Variants in LINGO1 observed in about 807,000 individuals in gnomAD.
LINGO1 encodes the protein leucine-rich repeat and immunoglobulin-like domain-containing nogo receptor-interacting protein 1.
Under a neutral mutation model 37.3 loss-of-function variants are expected in LINGO1, and 11 were observed. The ratio of observed to expected loss-of-function variants is 0.29; its 90% CI spans 0.19 to 0.49. The LOEUF (loss-of-function observed/expected upper bound fraction) is 0.49, where lower values mean the gene tolerates loss of function less well. Among genes scored for constraint, LINGO1 ranks in the 20% least tolerant of loss-of-function variants. The pLI is 0.99. For missense variants in LINGO1, 585 were observed against 878.2 expected (o/e 0.67, Z 4.22); for synonymous variants, 387 against 403.0 (o/e 0.96, Z 0.48).
At chr15:77,726,746 G>A (rs953275568) in intron 2 of LINGO1, among the ~76,000 whole-genome samples, 2 of 152,242 alleles carry the variant, frequency 1.3e-5, no homozygotes, top group Non-Finnish European at 2.9e-5. Context: ...TAGACAAATG[G>A]GACTACATCA....
chr15:77,620,206 C>T (rs925552716), intron 1 of LINGO1, among the ~76,000 whole-genome samples: 2 of 150,954 alleles, frequency 1.3e-5, no homozygotes, highest in Non-Finnish European at 2.9e-5. Flanking sequence ...TCCTTGCCCC[C>T]TGAAGGGCTT....
At chr15:77,711,991 C>G (rs2075923815) in intron 2 of LINGO1, among the ~76,000 whole-genome samples, 1 of 152,174 alleles carries the variant, frequency 6.6e-6, no homozygotes, top group African/African-American at 2.4e-5. Context: ...CAGATTCCTC[C>G]CATCTACAGT....
chr15:77,733,442 T>A (rs992949096), intron 2 of LINGO1, among the ~76,000 whole-genome samples: 4 of 152,106 alleles, frequency 2.6e-5, no homozygotes, highest in African/African-American at 9.7e-5. Flanking sequence ...CCCCATGCCA[T>A]GACCCTTGAG....
chr15:77,653,506 G>A (rs1387366257), intron 3 of LINGO1, among the ~76,000 whole-genome samples: 3 of 152,238 alleles, frequency 2.0e-5, no homozygotes, highest in East Asian at 3.8e-4. Context: ...TTCGATTGCA[G>A]GAGATGTAAT....
intron 1 of LINGO1, among the ~76,000 whole-genome samples, chr15:77,806,945 G>A (rs1461038992): frequency 1.3e-5 from 2 of 152,030 alleles, no homozygotes; most frequent in South Asian, 2.1e-4. Flanking sequence ...AGGGCTCCCC[G>A]TTACCTTGAG....
At chr15:77,775,413 C>G (rs2076626934) in intron 1 of LINGO1, among the ~76,000 whole-genome samples, 1 of 152,164 alleles carries the variant, frequency 6.6e-6, no homozygotes, top group African/African-American at 2.4e-5. Flanking sequence ...TTTGCAGGTC[C>G]CGGTCTCTCC....
chr15:77,692,120 T>A (rs762388307), intron 1 of LINGO1, among the ~76,000 whole-genome samples: 1 of 152,226 alleles, frequency 6.6e-6, no homozygotes, highest in Non-Finnish European at 1.5e-5. Context: ...GCCCTTTCCT[T>A]CTTACTTACT....
chr15:77,711,181 T>C (rs894601678), intron 2 of LINGO1, among the ~76,000 whole-genome samples: 3 of 152,232 alleles, frequency 2.0e-5, no homozygotes, highest in Non-Finnish European at 4.4e-5. Flanking sequence ...CCCTGGATCT[T>C]TCTCTTCTTC....
upstream of LINGO1, among the ~76,000 whole-genome samples, chr15:77,789,498 G>A (rs538066784): frequency 3.9e-5 from 6 of 152,228 alleles, no homozygotes; most frequent in Non-Finnish European, 7.4e-5. Flanking sequence ...TCCCAGCTAT[G>A]CAGGAGGCTG....
chr15:77,657,135 A>C (rs553414940), intron 3 of LINGO1, among the ~76,000 whole-genome samples: 2 of 152,298 alleles, frequency 1.3e-5, no homozygotes, highest in African/African-American at 4.8e-5. Context: ...TGGGGACTGG[A>C]GGGATGGCAG....
chr15:77,751,800 G>A (rs1358585557), intron 1 of LINGO1, among the ~76,000 whole-genome samples: 3 of 152,190 alleles, frequency 2.0e-5, no homozygotes, highest in Non-Finnish European at 4.4e-5. Flanking sequence ...GGGCTCAGAC[G>A]GGTGGAGAGC....
intron 2 of LINGO1, among the ~76,000 whole-genome samples, chr15:77,715,627 A>T (rs2075974535): frequency 6.6e-6 from 1 of 152,242 alleles, no homozygotes; most frequent in African/African-American, 2.4e-5. Context: ...ACAAAGAAAT[A>T]ATGGGAACAA....
intron 1 of LINGO1, among the ~76,000 whole-genome samples, chr15:77,626,995 CAGA>C (rs10611074): frequency 0.2 from 25,649 of 129,974 alleles, 4,720 homozygotes; most frequent in African/African-American, 0.5. Flanking sequence ...CTGGGCTAGG[CAGA>C]AGAAGCGTGC....
At chr15:77,718,354 GAGCATGC>G (rs1208990537) in intron 2 of LINGO1, among the ~76,000 whole-genome samples, 1 of 151,010 alleles carries the variant, frequency 6.6e-6, no homozygotes, top group East Asian at 2.1e-4. Context: ...GTATACAGAG[GAGCATGC>G]CCACGCATGG....
upstream of LINGO1, among the ~76,000 whole-genome samples, chr15:77,698,963 TCAATAGGAGG>T (rs1421000258): frequency 6.6e-6 from 1 of 152,114 alleles, no homozygotes; most frequent in African/African-American, 2.4e-5. Flanking sequence ...TGCTCTGTGC[TCAATAGGAGG>T]CTACGGAGCC....
intron 3 of LINGO1, among the ~76,000 whole-genome samples, chr15:77,657,608 A>G (rs867045507): frequency 6.6e-6 from 1 of 152,236 alleles, no homozygotes; most frequent in Middle Eastern, 3.4e-3. Flanking sequence ...GAGCTCTACA[A>G]GGTCACACAG....
upstream of LINGO1, among the ~76,000 whole-genome samples, chr15:77,696,889 C>T (rs1207874907): frequency 2.6e-5 from 4 of 152,264 alleles, no homozygotes; most frequent in African/African-American, 7.2e-5. Flanking sequence ...CAGGCATGGG[C>T]GGGGCCCACA....
intron 1 of LINGO1, among the ~76,000 whole-genome samples, chr15:77,617,987 G>A (rs547661878): frequency 3.3e-5 from 5 of 152,126 alleles, no homozygotes; most frequent in Non-Finnish European, 5.9e-5. Flanking sequence ...CTCCCCACCC[G>A]ACCCCCACCA....
chr15:77,704,442 G>C (rs937211855), intron 2 of LINGO1, among the ~76,000 whole-genome samples: 1 of 151,726 alleles, frequency 6.6e-6, no homozygotes, highest in Admixed American at 6.6e-5. Context: ...CCCGACCCTG[G>C]TCAGACACTG....
Sources: gnomAD v4.1 joint callset for allele counts (sites outside exome capture counted in the v4.1 genomes callset) on GRCh38, gnomAD v4.1.1 for gene constraint, MANE v1.5 for transcripts, NCBI Gene and HGNC (gene_info 2026-07-23, HGNC 2026-07-21) for gene names.